JMJD1C: variants seen among roughly 807,000 people sequenced by gnomAD.
JMJD1C encodes jumonji domain-containing protein 1C.
Under a neutral mutation model 245.3 loss-of-function variants are expected in JMJD1C, and 31 were observed. That is an observed-to-expected ratio of 0.13 (90% CI 0.09 to 0.17). The LOEUF (loss-of-function observed/expected upper bound fraction) is 0.17. JMJD1C is among the 10% of genes least tolerant of loss of function. The probability of loss-of-function intolerance (pLI) is 1.00; values close to 1 mark genes in which losing one functional copy is unlikely to be tolerated. For synonymous variants in JMJD1C, 1,057 were observed against 1,017.4 expected (o/e 1.04, Z -0.74); for missense variants, 2,691 against 3,000.2 (o/e 0.90, Z 2.41).
chr10:63,427,663 T>C (rs1362679995), intron 1 of JMJD1C: 3 of 1,309,088 alleles, frequency 2.3e-6, no homozygotes, highest in African/African-American at 2.9e-5. Flanking sequence ...CAACAGTGGC[T>C]GGACCGAAAT....
At chr10:63,177,441 A>G (rs1169265095) in intron 23 of JMJD1C, 1 of 339,906 alleles carries the variant, frequency 2.9e-6, no homozygotes, top group Non-Finnish European at 5.3e-6. Flanking sequence ...CACCCAACTA[A>G]TATCTGGCTC....
intron 1 of JMJD1C, among the ~76,000 whole-genome samples, chr10:63,395,748 A>C (rs1394924566): frequency 6.6e-6 from 1 of 152,198 alleles, no homozygotes; most frequent in Non-Finnish European, 1.5e-5. Context: ...AGATAATATA[A>C]TGAAATACTT....
chr10:63,234,292 G>A (rs193018075), intron 3 of JMJD1C, among the ~76,000 whole-genome samples: 12 of 151,490 alleles, frequency 7.9e-5, no homozygotes, highest in Non-Finnish European at 1.0e-4. Context: ...CCCAGAGTTT[G>A]AGACCAGCCT....
At chr10:63,203,664 C>CTT in intron 10 of JMJD1C, 3 of 982,640 alleles carry the variant, frequency 3.1e-6, no homozygotes, top group Non-Finnish European at 3.6e-6. Context: ...AAGCGGCTGA[C>CTT]TTTTAATTAA....
At chr10:63,400,222 G>A (rs1251271680) in intron 1 of JMJD1C, among the ~76,000 whole-genome samples, 1 of 152,054 alleles carries the variant, frequency 6.6e-6, no homozygotes, top group Non-Finnish European at 1.5e-5. Context: ...ATATATCCTT[G>A]TGCATATGTC....
chr10:63,276,884 CTTT>C (rs760452367), intron 2 of JMJD1C, among the ~76,000 whole-genome samples: 18 of 96,280 alleles, frequency 1.9e-4, no homozygotes, highest in South Asian at 1.1e-3. Flanking sequence ...AAGCTTGGGG[CTTT>C]TTTTTTTTTT....
At chr10:63,412,385 G>A (rs1949539518) in intron 1 of JMJD1C, among the ~76,000 whole-genome samples, 1 of 152,194 alleles carries the variant, frequency 6.6e-6, no homozygotes, top group Admixed American at 6.5e-5. Context: ...TTCGAAGTTT[G>A]CGAGATTGCA....
chr10:63,442,949 C>T (rs2132943169), intron 1 of JMJD1C, among the ~76,000 whole-genome samples: 1 of 152,274 alleles, frequency 6.6e-6, no homozygotes, highest in South Asian at 2.1e-4. Flanking sequence ...TCTGACACTA[C>T]CCAGAGTTAG....
intron 3 of JMJD1C, among the ~76,000 whole-genome samples, chr10:63,247,157 A>C (rs1852330629): frequency 6.6e-6 from 1 of 151,484 alleles, no homozygotes; most frequent in African/African-American, 2.4e-5. Flanking sequence ...ATTTTAAAAA[A>C]ATGAAAAGCT....
At chr10:63,235,938 A>C (rs1850676561) in intron 3 of JMJD1C, among the ~76,000 whole-genome samples, 1 of 152,236 alleles carries the variant, frequency 6.6e-6, no homozygotes, top group Non-Finnish European at 1.5e-5. Context: ...ATTTTTAAAA[A>C]CAGAAAATGA....
rs976143943 is a variant in JMJD1C at position 63,308,623 on chromosome 10, C to T, written c.334-43859G>A. Among the ~76,000 whole-genome samples the T allele has an allele frequency of 3.9e-5, 5 of 127,632 alleles. No homozygotes were observed. In the East Asian group the frequency reaches 6.7e-4, roughly 17 times the overall value. 83.7% of individuals were successfully genotyped at this position (127,632 alleles called of 152,430 possible). A position where few individuals can be genotyped will look rare whatever the true frequency, so the allele number is the denominator to read the frequency against. Reference sequence around the variant, plus strand: ...AGCTGCTATAGGAAAAAAAAAAAAACAGTTGGAAGCTTAAAAGGAAACTTA... The same window carrying T: ...AGCTGCTATAGGAAAAAAAAAAAAATAGTTGGAAGCTTAAAAGGAAACTTA... On this transcript the variant is annotated intron_variant, in intron 2 of 25. Transcript: ENST00000399262.
intron 1 of JMJD1C, among the ~76,000 whole-genome samples, chr10:63,499,567 TCTAGTCCC>T (rs1322350725): frequency 6.6e-6 from 1 of 152,012 alleles, no homozygotes; most frequent in Non-Finnish European, 1.5e-5. Flanking sequence ...AAATTTACAT[TCTAGTCCC>T]CATAGCAAAG....
At chr10:63,455,191 A>G (rs74137761) in intron 1 of JMJD1C, among the ~76,000 whole-genome samples, 3,252 of 152,306 alleles carry the variant, frequency 0.021, 115 homozygotes, top group African/African-American at 0.073. Flanking sequence ...TATTCAAAAT[A>G]TACTTCTTTA....
rs71025129 is a variant in JMJD1C, at chr10:63,234,493, T to TAAAAAA, written c.448-14516_448-14511dup. Among the ~76,000 whole-genome samples the TAAAAAA allele has an allele frequency of 4.4e-3, 164 of 37,008 alleles. 6 individuals are homozygous for TAAAAAA. The highest frequency in any genetic ancestry group is 0.035 in the East Asian group (37 of 1,064). The allele number at this position is 37,008 out of a possible 152,430, so 24.3% of individuals were successfully genotyped here. ...TCATCAACAGAGAGAAACCTCCTCT[T>TAAAAAA]AAAAAAAAAAAAAAAAAAAAAAAAA... On this transcript the variant is annotated intron_variant, in intron 3 of 25. Transcript: ENST00000399262.
chr10:63,271,168 C>T (rs1263986415), intron 2 of JMJD1C, among the ~76,000 whole-genome samples: 1 of 151,692 alleles, frequency 6.6e-6, no homozygotes, highest in Non-Finnish European at 1.5e-5. Flanking sequence ...TGTAAATAGT[C>T]TTTTTTTTCT....
At chr10:63,250,473 C>T (rs1852906914) in intron 3 of JMJD1C, among the ~76,000 whole-genome samples, 1 of 152,118 alleles carries the variant, frequency 6.6e-6, no homozygotes, top group Admixed American at 6.6e-5. Flanking sequence ...TAATTAACTG[C>T]ACACTCTTAC....
intron 3 of JMJD1C, among the ~76,000 whole-genome samples, chr10:63,244,106 A>T (rs1009199558): frequency 5.3e-5 from 8 of 152,216 alleles, no homozygotes; most frequent in African/African-American, 1.7e-4. Context: ...AAACAAAGGA[A>T]GCAGAGAAGG....
intron 2 of JMJD1C, among the ~76,000 whole-genome samples, chr10:63,339,331 G>A (rs982186052): frequency 6.6e-6 from 1 of 152,102 alleles, no homozygotes; most frequent in African/African-American, 2.4e-5. Flanking sequence ...ATAAGATCAA[G>A]AAAAGTGAGG....
intron 2 of JMJD1C, among the ~76,000 whole-genome samples, chr10:63,355,352 C>A (rs1448009803): frequency 1.4e-4 from 21 of 152,160 alleles, no homozygotes; most frequent in Admixed American, 1.4e-3. Context: ...ATTTCCATTT[C>A]ACCAGTTTTA....
Sources: gnomAD v4.1 joint callset for allele counts (sites outside exome capture counted in the v4.1 genomes callset) on GRCh38, gnomAD v4.1.1 for gene constraint, MANE v1.5 for transcripts, NCBI Gene and HGNC (gene_info 2026-07-23, HGNC 2026-07-21) for gene names.